The following GLP2R variants were observed in gnomAD, a reference collection of about 807,000 sequenced individuals.
GLP2R encodes the protein glucagon-like peptide 2 receptor.
Under a neutral mutation model 68.2 loss-of-function variants are expected in GLP2R, and 59 were observed. The observed-to-expected ratio is 0.87, with a 90% CI of 0.70 to 1.07. The LOEUF is 1.07. Among genes scored for constraint, GLP2R ranks in the 50% least tolerant of loss-of-function variants. The pLI, the probability that GLP2R is intolerant of heterozygous loss-of-function variation, is 0.00. For synonymous variants in GLP2R, 270 were observed against 265.4 expected (o/e 1.02, Z -0.17); for missense variants, 548 against 677.4 (o/e 0.81, Z 2.12).
chr17:9,847,346 T>A (rs1384391083), intron 4 of GLP2R, among the ~76,000 whole-genome samples: 23 of 152,124 alleles, frequency 1.5e-4, no homozygotes, highest in Admixed American at 1.5e-3. Flanking sequence ...CTCGGCTCAC[T>A]GCAACCTCCG....
rs1205123610 is a variant in GLP2R, at chr17:9,872,095, G to A, written c.1145+1260G>A. ...CGGGAGTGTTTTAACCCACAGAGTA[G>A]CTCTAAGAGTAGGAATTTCAGTCCA... On this transcript the variant is annotated intron_variant, in intron 10 of 12. Transcript: ENST00000262441. 2.9e-4 allele frequency among the ~76,000 whole-genome samples: 44 copies of A among 152,222 alleles called. 1 individual carries two copies. The highest frequency in any genetic ancestry group is 2.9e-3 in the Admixed American group (44 of 15,292).
Position 9,889,882 on chromosome 17 carries a change from G to C in GLP2R, c.*177G>C, listed in dbSNP as rs191322459. Reference sequence around the variant, plus strand: ...AAGCTCTGTATGAAAGAGGCTGTGTGTCATGCTCACAGCCTCTGCCTGCTC... The same window carrying C: ...AAGCTCTGTATGAAAGAGGCTGTGTCTCATGCTCACAGCCTCTGCCTGCTC... On this transcript the variant is annotated 3_prime_UTR_variant, in exon 13 of 13. Coordinates refer to ENST00000262441, the MANE Select transcript of GLP2R (RefSeq NM_004246.3). 3.1e-6 allele frequency: 2 copies of C among 641,878 alleles called. No homozygotes were observed. Among genetic ancestry groups the C allele is most frequent in the Non-Finnish European group, 2.8e-6 (1 of 357,962 alleles). 39.8% of individuals were successfully genotyped at this position (641,878 alleles called of 1,614,324 possible). A position where few individuals can be genotyped will look rare whatever the true frequency, so the allele number is the denominator to read the frequency against.
chr17:9,833,712 C>G, intron 1 of GLP2R, 95 bp from the exon 2 acceptor site: 1 of 737,200 alleles, frequency 1.4e-6, no homozygotes, highest in Non-Finnish European at 2.3e-6. Flanking sequence ...ATTGTGGGCA[C>G]TTCAGTGGGA....
At chr17:9,855,350 T>C (rs1597388822) in intron 5 of GLP2R, among the ~76,000 whole-genome samples, 1 of 152,336 alleles carries the variant, frequency 6.6e-6, no homozygotes, top group Admixed American at 6.5e-5. Context: ...GCCAGTTGGC[T>C]ACACAGCTAG....
intron 9 of GLP2R, among the ~76,000 whole-genome samples, chr17:9,862,832 C>A (rs547056877): frequency 6.6e-6 from 1 of 152,156 alleles, no homozygotes; most frequent in South Asian, 2.1e-4. Context: ...TTGTTCTCTG[C>A]CCACCCTGTT....
chr17:9,848,197 T>A (rs1247136366), intron 4 of GLP2R, among the ~76,000 whole-genome samples: 1 of 152,200 alleles, frequency 6.6e-6, no homozygotes, highest in Non-Finnish European at 1.5e-5. Context: ...TTGTCTGACT[T>A]TTTTCACATC....
At chr17:9,879,345 T>TAA (rs1247945543) in intron 10 of GLP2R, among the ~76,000 whole-genome samples, 2 of 141,886 alleles carry the variant, frequency 1.4e-5, no homozygotes, top group Non-Finnish European at 3.2e-5. Context: ...TAAAATAAAA[T>TAA]AATTATCCAG....
intron 10 of GLP2R, among the ~76,000 whole-genome samples, chr17:9,872,724 C>T (rs2067106599): frequency 6.6e-6 from 1 of 152,152 alleles, no homozygotes; most frequent in African/African-American, 2.4e-5. Flanking sequence ...TGCCTACTGG[C>T]CTTAGGCAAG....
chr17:9,852,054 T>C (rs4791891), intron 4 of GLP2R, among the ~76,000 whole-genome samples: 1 of 149,178 alleles, frequency 6.7e-6, no homozygotes, highest in Non-Finnish European at 1.5e-5. Flanking sequence ...ATTTGTTTTT[T>C]TTTTTGTTTT....
rs370515629 is a variant in GLP2R, at chr17:9,826,024, T to A, written c.-40T>A. 62 of 1,556,298 alleles carry A rather than the reference T, an allele frequency of 4.0e-5. No individual in the cohort carries two copies. Among genetic ancestry groups the A allele is most frequent in the Non-Finnish European group, 5.2e-5 (59 of 1,142,374 alleles). On this transcript the variant is annotated 5_prime_UTR_variant, in exon 1 of 13. Coordinates refer to ENST00000262441, the MANE Select transcript of GLP2R (RefSeq NM_004246.3). ...CTGCCTGCGGTGCATCTTGGACGGC[T>A]AGAGAGATGTACCCCTACTTGTGAA...
At chr17:9,872,086 C>T (rs1234547897) in intron 10 of GLP2R, among the ~76,000 whole-genome samples, 4 of 152,194 alleles carry the variant, frequency 2.6e-5, no homozygotes, top group Non-Finnish European at 5.9e-5. Context: ...TGTTTTAACC[C>T]ACAGAGTAGC....
intron 4 of GLP2R, among the ~76,000 whole-genome samples, chr17:9,845,198 A>G (rs2066826490): frequency 6.6e-6 from 1 of 151,884 alleles, no homozygotes; most frequent in Non-Finnish European, 1.5e-5. Flanking sequence ...AGCTGGGACT[A>G]CAGGTGCACA....
chr17:9,854,370 A>C, intron 4 of GLP2R, 125 bp from the exon 5 acceptor site: 1 of 694,154 alleles, frequency 1.4e-6, no homozygotes, highest in Non-Finnish European at 2.6e-6. Flanking sequence ...AGGATGGGGA[A>C]GGAAACATTT....
rs999158778 is a variant in GLP2R, at chr17:9,859,947, C to T, written c.771C>T (p.Ser257=). Residue 257 remains serine (S), a synonymous_variant, in exon 7 of 13, where the codon TCC becomes TCT. Coordinates refer to ENST00000262441, the MANE Select transcript of GLP2R (RefSeq NM_004246.3). ...NGWMSYLSEM[S]TSCRSVQVLL... is the part of the protein sequence containing the mutation. Reference sequence around the variant, plus strand: ...AGGTGTTTTTTCCTCTGCAGATGTCCACCTCCTGCCGCTCAGTCCAGGTTC... The same window carrying T: ...AGGTGTTTTTTCCTCTGCAGATGTCTACCTCCTGCCGCTCAGTCCAGGTTC... The T allele has an allele frequency of 2.5e-6, 4 of 1,601,344 alleles. No homozygotes were observed. The African/African-American group carries it at 4.0e-5, about 16-fold the overall frequency.
chr17:9,838,712 G>A (rs2066756749), intron 3 of GLP2R, among the ~76,000 whole-genome samples: 2 of 152,336 alleles, frequency 1.3e-5, no homozygotes, highest in East Asian at 3.9e-4. Context: ...TCTTCCACCC[G>A]CCATTCTGTG....
chr17:9,835,025 C>CTTTTTT (rs35950679), intron 2 of GLP2R, among the ~76,000 whole-genome samples: 5 of 83,152 alleles, frequency 6.0e-5, no homozygotes, highest in Admixed American at 1.6e-4. Context: ...GAAACCTGGC[C>CTTTTTT]TTTTTTTTTT....
Position 9,861,986 on chromosome 17 carries a change from AG to A in GLP2R, c.987-34del, listed in dbSNP as rs1405264719. ...GACTTTCAACCTCCTCTTGTTTTTAAGTCTTCTACTGCCTGCTTCTACTGTT... is the reference window on the plus strand; with the variant it reads ...GACTTTCAACCTCCTCTTGTTTTTAATCTTCTACTGCCTGCTTCTACTGTT... On this transcript the variant is annotated intron_variant, in intron 8 of 12. Coordinates refer to ENST00000262441, the MANE Select transcript of GLP2R (RefSeq NM_004246.3). 2.7e-6 allele frequency: 4 copies of A among 1,463,212 alleles called. No homozygotes were observed. The African/African-American group carries it at 5.5e-5, about 20-fold the overall frequency. 90.6% of individuals were successfully genotyped at this position (1,463,212 alleles called of 1,614,324 possible). A position where few individuals can be genotyped will look rare whatever the true frequency, so the allele number is the denominator to read the frequency against.
chr17:9,860,471 T>TGGGTTG (rs566637228), intron 7 of GLP2R, among the ~76,000 whole-genome samples: 256 of 152,338 alleles, frequency 1.7e-3, no homozygotes, highest in Non-Finnish European at 3.2e-3. Context: ...AAGTTCACCA[T>TGGGTTG]GGTTGGGTTC....
intron 1 of GLP2R, among the ~76,000 whole-genome samples, chr17:9,829,378 A>C (rs1439690318): frequency 6.6e-6 from 1 of 151,904 alleles, no homozygotes; most frequent in Non-Finnish European, 1.5e-5. Context: ...AACCTTTAAA[A>C]CTATGTGCAT....
Sources: gnomAD v4.1 joint callset for allele counts (sites outside exome capture counted in the v4.1 genomes callset) on GRCh38, gnomAD v4.1.1 for gene constraint, MANE v1.5 for transcripts, NCBI Gene and HGNC (gene_info 2026-07-23, HGNC 2026-07-21) for gene names.